The following FBN2 variants were observed in gnomAD, a reference collection of about 807,000 sequenced individuals.
The protein encoded by FBN2 is fibrillin-2.
In FBN2, 105 loss-of-function variants were observed where a neutral mutation model predicts 355.6. The ratio of observed to expected loss-of-function variants is 0.30; its 90% CI spans 0.25 to 0.35. The LOEUF (loss-of-function observed/expected upper bound fraction) is 0.35. Ranked by LOEUF, FBN2 falls within the 10% of genes least tolerant of loss-of-function variation. The probability of loss-of-function intolerance (pLI) is 1.00; values close to 1 mark genes in which losing one functional copy is unlikely to be tolerated. For synonymous variants in FBN2, 1,350 were observed against 1,301.2 expected (o/e 1.04, Z -0.81); for missense variants, 3,280 against 3,758.7 (o/e 0.87, Z 3.33).
rs117605580 is a variant in FBN2, at chr5:128,329,640, G to A, written c.4346-819C>T. ...TGCTCTTTCCTTGACACCACAGTGCGGAGAAATGCCAGGAAAGATGCAAAC... is the reference window on the plus strand; with the variant it reads ...TGCTCTTTCCTTGACACCACAGTGCAGAGAAATGCCAGGAAAGATGCAAAC... On this transcript the variant is annotated intron_variant, in intron 33 of 64. Transcript: ENST00000262464. Among the ~76,000 whole-genome samples, 54 of 152,254 alleles carry A rather than the reference G, an allele frequency of 3.5e-4. No homozygotes were observed. In the East Asian group the frequency reaches 6.6e-3, roughly 19 times the overall value.
At chr5:128,343,894 G>A (rs1037645933) in intron 25 of FBN2, among the ~76,000 whole-genome samples, 3 of 152,070 alleles carry the variant, frequency 2.0e-5, no homozygotes, top group Non-Finnish European at 2.9e-5. Flanking sequence ...CTCACAACGA[G>A]TTTATTTGGA....
At chr5:128,411,263 C>T (rs1053019208) in intron 7 of FBN2, among the ~76,000 whole-genome samples, 9 of 152,228 alleles carry the variant, frequency 5.9e-5, no homozygotes, top group Admixed American at 1.3e-4. Flanking sequence ...ACAAACAATG[C>T]TTTTTTAGCT....
rs751308498 is a variant in FBN2, at chr5:128,272,132, C to G, written c.7841-14G>C. ...ATTCATCAACATCTGCAAAAACAAG[C>G]CCGGCAAAACCTTTATGTCACCTTT... On this transcript the variant is annotated splice_polypyrimidine_tract_variant and intron_variant, in intron 61 of 64. Transcript: ENST00000262464. 3.1e-6 allele frequency: 5 copies of G among 1,613,794 alleles called. No homozygotes were observed. The South Asian group carries it at 3.3e-5, about 11-fold the overall frequency.
intron 11 of FBN2, among the ~76,000 whole-genome samples, chr5:128,385,685 C>T (rs992136942): frequency 6.6e-6 from 1 of 152,124 alleles, no homozygotes; most frequent in Non-Finnish European, 1.5e-5. Context: ...GATAAGCATT[C>T]CTTTCTTCAC....
intron 62 of FBN2, among the ~76,000 whole-genome samples, chr5:128,266,480 C>T (rs1258118036): frequency 6.6e-6 from 1 of 152,116 alleles, no homozygotes; most frequent in Admixed American, 6.5e-5. Flanking sequence ...TCAAAGTGCT[C>T]ACCCCAGGAT....
intron 20 of FBN2, among the ~76,000 whole-genome samples, chr5:128,353,246 ACAATTAAAC>A (rs1751416493): frequency 6.6e-6 from 1 of 152,206 alleles, no homozygotes; most frequent in Non-Finnish European, 1.5e-5. Context: ...AAAGGGAATT[ACAATTAAAC>A]CATGGGCCTA....
intron 20 of FBN2, 59 bp from the exon 21 acceptor site, chr5:128,351,064 T>C (rs1751343240): frequency 1.3e-6 from 2 of 1,596,086 alleles, no homozygotes; most frequent in African/African-American, 2.7e-5. Context: ...AGAATTCAGC[T>C]GTGTACACAA....
chr5:128,470,529 G>C (rs1365992641), intron 5 of FBN2, among the ~76,000 whole-genome samples: 1 of 152,140 alleles, frequency 6.6e-6, no homozygotes, highest in Non-Finnish European at 1.5e-5. Context: ...GGTTCATCCA[G>C]GGTTTTGCTT....
At chr5:128,478,747 C>A (rs1755070692) in intron 5 of FBN2, among the ~76,000 whole-genome samples, 6 of 152,008 alleles carry the variant, frequency 3.9e-5, no homozygotes, top group Admixed American at 3.9e-4. Flanking sequence ...GAGAACTATG[C>A]CAAAACAGGA....
chr5:128,339,451 C>CAA (rs967421297), intron 25 of FBN2, among the ~76,000 whole-genome samples: 1 of 147,650 alleles, frequency 6.8e-6, no homozygotes, highest in African/African-American at 2.5e-5. Flanking sequence ...CCCATCTCTA[C>CAA]AAAAAAAAAA....
At chr5:128,364,850 C>A in intron 17 of FBN2, 125 bp from the exon 18 acceptor site, 1 of 803,628 alleles carries the variant, frequency 1.2e-6, no homozygotes, top group Non-Finnish European at 2.1e-6. Context: ...AATTTGCCTG[C>A]CTTTCAGAAA....
intron 32 of FBN2, 129 bp downstream of exon 32, chr5:128,332,783 A>G: frequency 1.1e-6 from 1 of 943,662 alleles, no homozygotes; most frequent in South Asian, 1.3e-5. Flanking sequence ...GGCAGGAATT[A>G]TCTTGCAACT....
chr5:128,358,939 A>T (rs907713669), intron 19 of FBN2, among the ~76,000 whole-genome samples: 2 of 152,042 alleles, frequency 1.3e-5, no homozygotes, highest in Non-Finnish European at 2.9e-5. Context: ...TCCTTTAAAT[A>T]ATATGTTGTT....
At chr5:128,479,982 A>C (rs1378640829) in intron 5 of FBN2, among the ~76,000 whole-genome samples, 678 of 17,170 alleles carry the variant, frequency 0.039, 1 homozygote, top group East Asian at 0.15. Flanking sequence ...CTCTCTATAT[A>C]TATATATATA....
At chr5:128,311,548 A>C (rs926287341) in intron 38 of FBN2, 123 bp from the exon 39 acceptor site, 11 of 1,000,862 alleles carry the variant, frequency 1.1e-5, no homozygotes, top group Non-Finnish European at 1.7e-5. Context: ...ATGAACGCAC[A>C]CTTAGATGGC....
intron 48 of FBN2, among the ~76,000 whole-genome samples, chr5:128,295,451 A>G (rs1219937902): frequency 6.6e-6 from 1 of 150,818 alleles, no homozygotes; most frequent in Non-Finnish European, 1.5e-5. Flanking sequence ...CACAATATTG[A>G]TTCTTCCTAC....
intron 5 of FBN2, among the ~76,000 whole-genome samples, chr5:128,504,964 A>G (rs1755915742): frequency 6.6e-6 from 1 of 152,304 alleles, no homozygotes; most frequent in South Asian, 2.1e-4. Flanking sequence ...TTATGGGAGC[A>G]GTTTTCCCCA....
intron 11 of FBN2, among the ~76,000 whole-genome samples, chr5:128,388,248 G>A (rs1752419176): frequency 6.6e-6 from 1 of 152,152 alleles, no homozygotes; most frequent in Non-Finnish European, 1.5e-5. Context: ...CATGTGAGAT[G>A]GGTCTCTTGA....
chr5:128,362,034 T>C (rs1277517770), intron 18 of FBN2, among the ~76,000 whole-genome samples, 186 bp from the exon 19 acceptor site: 2 of 152,256 alleles, frequency 1.3e-5, no homozygotes, highest in South Asian at 2.1e-4. Flanking sequence ...GATATTCTTA[T>C]GCTAGTGGCT....
Sources: gnomAD v4.1 joint callset for allele counts (sites outside exome capture counted in the v4.1 genomes callset) on GRCh38, gnomAD v4.1.1 for gene constraint, MANE v1.5 for transcripts, NCBI Gene and HGNC (gene_info 2026-07-23, HGNC 2026-07-21) for gene names.